Variants in MACROD1 observed in about 807,000 individuals in gnomAD.
MACROD1 encodes the protein ADP-ribose glycohydrolase MACROD1.
In MACROD1, 31 loss-of-function variants were observed where a neutral mutation model predicts 41.4. The ratio of observed to expected loss-of-function variants is 0.75; its 90% CI spans 0.56 to 1.01. The LOEUF is 1.01. Ranked by LOEUF, MACROD1 falls within the 50% of genes least tolerant of loss-of-function variation. The probability of loss-of-function intolerance (pLI) is 0.00; values close to 1 mark genes in which losing one functional copy is unlikely to be tolerated. For synonymous variants in MACROD1, 252 were observed against 203.4 expected (o/e 1.24, Z -2.03); for missense variants, 473 against 460.0 (o/e 1.03, Z -0.26).
At position 64,036,486 on chromosome 11, in the gene MACROD1, AC is replaced by A. The variant is rs528893346; in HGVS notation, c.518-21206del. 6.6e-6 allele frequency among the ~76,000 whole-genome samples: 1 copy of A among 151,110 alleles called. No individual in the cohort carries two copies. The highest frequency in any genetic ancestry group is 1.5e-5 in the Non-Finnish European group (1 of 67,700). ...GAGCTCTAGTCCAAGCCCTCGCTGC[AC>A]CCCCCAGGGAGGGGGCCTGGCCCGT... On this transcript the variant is annotated intron_variant, in intron 3 of 10. Coordinates refer to ENST00000255681, the MANE Select transcript of MACROD1 (RefSeq NM_014067.4). The surrounding 1 kb of genome is among the most constrained non-coding windows in gnomAD (Gnocchi z 5.6).
At chr11:64,009,716 T>C (rs1039792933) in intron 4 of MACROD1, among the ~76,000 whole-genome samples, 19 of 152,002 alleles carry the variant, frequency 1.2e-4, no homozygotes, top group African/African-American at 4.6e-4. Flanking sequence ...CCAGGTTAAG[T>C]CCCTTTAGCC....
At chr11:64,075,119 C>T (rs1359486021) in intron 3 of MACROD1, among the ~76,000 whole-genome samples, 1 of 152,236 alleles carries the variant, frequency 6.6e-6, no homozygotes. Flanking sequence ...CTCTCTGGGC[C>T]TCTTTCTCTC....
chr11:64,069,123 G>A (rs973096628), intron 3 of MACROD1, among the ~76,000 whole-genome samples: 11 of 152,214 alleles, frequency 7.2e-5, no homozygotes, highest in African/African-American at 2.4e-4. Flanking sequence ...TGAGGGTGAC[G>A]GTGTCCAGCA....
In MACROD1 at chr11:64,064,306, G is replaced by A. The variant is rs746511546; in HGVS notation, c.518-49025C>T. Among the ~76,000 whole-genome samples, 2 of 152,182 alleles carry A rather than the reference G, an allele frequency of 1.3e-5. No homozygotes were observed. Among genetic ancestry groups the A allele is most frequent in the Non-Finnish European group, 2.9e-5 (2 of 68,024 alleles). ...CCACGTGCAGCCCTGTTCAGGCGGC[G>A]GGTAGGGGGGTGATGTCTCATCAGA... On this transcript the variant is annotated intron_variant, in intron 3 of 10. Transcript: ENST00000255681. This position sits in a 1 kb window ranked among gnomAD's most constrained non-coding sequence, Gnocchi z 4.5.
At chr11:64,084,713 G>A (rs974574390) in intron 3 of MACROD1, among the ~76,000 whole-genome samples, 13 of 152,320 alleles carry the variant, frequency 8.5e-5, no homozygotes, top group Middle Eastern at 3.4e-3. Flanking sequence ...CCACGTGCCC[G>A]TGCTGCTTCG....
chr11:64,089,769 G>A (rs1026199703), intron 3 of MACROD1, among the ~76,000 whole-genome samples: 4 of 152,168 alleles, frequency 2.6e-5, no homozygotes, highest in African/African-American at 7.2e-5. Context: ...TCCCGTGGGG[G>A]CAGGGCTGAG....
At position 64,131,761 on chromosome 11, in the gene MACROD1, T is replaced by C. The variant is rs1420068935; in HGVS notation, c.517+19478A>G. Among the ~76,000 whole-genome samples, 62 of 152,200 alleles carry C rather than the reference T, an allele frequency of 4.1e-4. 1 individual carries two copies. Among genetic ancestry groups the C allele is most frequent in the Admixed American group, 4.1e-3 (62 of 15,284 alleles). On this transcript the variant is annotated intron_variant, in intron 3 of 10. Transcript: ENST00000255681. ...CCAGGCCCTGTTCAGATGGGGAACA[T>C]GCAGCAAATGGGACCGAGAGCCCCC...
chr11:64,098,038 C>T lies in MACROD1; in HGVS notation c.517+53201G>A, dbSNP rs143580331. 1.2e-3 allele frequency among the ~76,000 whole-genome samples: 185 copies of T among 152,286 alleles called. 6 individuals are homozygous for T. In the East Asian group the frequency reaches 0.033, roughly 27 times the overall value. On this transcript the variant is annotated intron_variant, in intron 3 of 10. Coordinates refer to ENST00000255681, the MANE Select transcript of MACROD1 (RefSeq NM_014067.4). Reference sequence around the variant, plus strand: ...CCTTCAACCCCTCACTGTATGAGGTCCCTACCCCATGTCCCTGTCCCTGTT... The same window carrying T: ...CCTTCAACCCCTCACTGTATGAGGTTCCTACCCCATGTCCCTGTCCCTGTT...
chr11:63,999,877 T>G, intron 5 of MACROD1, 114 bp from the exon 6 acceptor site: 3 of 1,242,926 alleles, frequency 2.4e-6, no homozygotes, highest in Non-Finnish European at 3.3e-6. Context: ...CCCCAAGCGC[T>G]GAGCCTCCTC....
chr11:64,071,880 C>G (rs1944114133), intron 3 of MACROD1, among the ~76,000 whole-genome samples: 1 of 152,138 alleles, frequency 6.6e-6, no homozygotes, highest in Non-Finnish European at 1.5e-5. Flanking sequence ...TGGCGAGAGC[C>G]CTGGGAGGGC....
At chr11:64,028,481 C>T (rs1253427673) in intron 3 of MACROD1, among the ~76,000 whole-genome samples, 3 of 152,226 alleles carry the variant, frequency 2.0e-5, no homozygotes, top group Non-Finnish European at 4.4e-5. Context: ...AGGCAGGAGG[C>T]GGAAGGAAGG....
chr11:64,151,397 C>A (rs2134704458), intron 2 of MACROD1, 42 bp from the exon 3 acceptor site: 1 of 1,502,002 alleles, frequency 6.7e-7, no homozygotes, highest in South Asian at 1.1e-5. Context: ...CGAGGCTGCC[C>A]ACTGCAGAGG....
intron 3 of MACROD1, among the ~76,000 whole-genome samples, chr11:64,079,119 G>A (rs1037849214): frequency 5.3e-5 from 8 of 152,114 alleles, no homozygotes; most frequent in African/African-American, 1.4e-4. Flanking sequence ...AGTGGGGGGC[G>A]GTGGACGGGA....
At chr11:64,023,560 C>T (rs757155423) in intron 3 of MACROD1, among the ~76,000 whole-genome samples, 13 of 152,136 alleles carry the variant, frequency 8.5e-5, no homozygotes, top group Non-Finnish European at 1.9e-4. Context: ...GGATTTGAAC[C>T]CCGCTGCTCC....
chr11:64,077,673 G>C (rs927170311), intron 3 of MACROD1, among the ~76,000 whole-genome samples: 1 of 152,152 alleles, frequency 6.6e-6, no homozygotes, highest in Non-Finnish European at 1.5e-5. Context: ...ACCCCCACCT[G>C]CCGTGCCCCC....
At chr11:64,029,932 G>A (rs1270785112) in intron 3 of MACROD1, among the ~76,000 whole-genome samples, 1 of 152,164 alleles carries the variant, frequency 6.6e-6, no homozygotes. Flanking sequence ...GGGAGGTGAT[G>A]TCACTGGTGG....
chr11:64,125,948 A>C (rs1380506689), intron 3 of MACROD1, among the ~76,000 whole-genome samples: 3 of 152,120 alleles, frequency 2.0e-5, no homozygotes, highest in Non-Finnish European at 4.4e-5. Flanking sequence ...ACAAACCGAC[A>C]ATCAAAGCCA....
At position 64,165,687 on chromosome 11, in the gene MACROD1, T is replaced by C; in HGVS notation, c.298+10A>G. The C allele has an allele frequency of 1.4e-6, 2 of 1,431,050 alleles. No homozygotes were observed. The highest frequency in any genetic ancestry group is 5.6e-5 in the Admixed American group (2 of 36,022). The allele number at this position is 1,431,050 out of a possible 1,614,324, so 88.6% of individuals were successfully genotyped here. On this transcript the variant is annotated intron_variant, in intron 1 of 10. Coordinates refer to ENST00000255681, the MANE Select transcript of MACROD1 (RefSeq NM_014067.4). ...CCCTCTCCCTCGCGCCCCCTCGTGC[T>C]TACACTTACATTTCGCCTCCTTCCA...
intron 3 of MACROD1, among the ~76,000 whole-genome samples, chr11:64,091,589 G>A (rs2134524604): frequency 6.6e-6 from 1 of 152,168 alleles, no homozygotes; most frequent in East Asian, 1.9e-4. Context: ...AGCACCTCCT[G>A]GAGTCCTTGC....
Sources: gnomAD v4.1 joint callset for allele counts (sites outside exome capture counted in the v4.1 genomes callset) on GRCh38, gnomAD v4.1.1 for gene constraint, Gnocchi (gnomAD v3.1) non-coding constraint, MANE v1.5 for transcripts, NCBI Gene and HGNC (gene_info 2026-07-23, HGNC 2026-07-21) for gene names.